Variants in EBF3 observed in about 807,000 individuals in gnomAD.
EBF3 encodes EBF transcription factor 3, also known as transcription factor COE3.
EBF3 carries 18 observed loss-of-function variants against 77.1 expected under a neutral mutation model. That is an observed-to-expected ratio of 0.23 (90% confidence interval 0.16 to 0.35). The LOEUF (loss-of-function observed/expected upper bound fraction) is 0.35, where lower values mean the gene tolerates loss of function less well. Ranked by LOEUF, EBF3 falls within the 10% of genes least tolerant of loss-of-function variation. The probability of loss-of-function intolerance (pLI) is 1.00; values close to 1 mark genes in which losing one functional copy is unlikely to be tolerated. For missense variants in EBF3, 558 were observed against 860.0 expected, an observed-to-expected ratio of 0.65 and a Z score of 4.39; for synonymous variants, 350 against 343.5, an observed-to-expected ratio of 1.02 and a Z score of -0.21.
chr10:129,859,771 G>T (rs2134032708), intron 10 of EBF3, among the ~76,000 whole-genome samples: 1 of 152,350 alleles, frequency 6.6e-6, no homozygotes. Context: ...ATCGATTCCA[G>T]CCATGGGCTG....
At chr10:129,907,655 C>T (rs908903134) in intron 6 of EBF3, among the ~76,000 whole-genome samples, 1 of 151,912 alleles carries the variant, frequency 6.6e-6, no homozygotes, top group Non-Finnish European at 1.5e-5. Flanking sequence ...TAAATAACAG[C>T]GAAACATGTT....
intron 6 of EBF3, among the ~76,000 whole-genome samples, chr10:129,891,149 A>C (rs1406188240): frequency 1.3e-5 from 2 of 152,250 alleles, no homozygotes; most frequent in Non-Finnish European, 2.9e-5. Flanking sequence ...TAATACTAAT[A>C]TGCTTCATGA....
intron 6 of EBF3, 128 bp downstream of exon 6, chr10:129,957,130 A>C (rs924607115): frequency 1.2e-5 from 9 of 759,894 alleles, no homozygotes; most frequent in Non-Finnish European, 1.9e-5. Flanking sequence ...CGCGGACAAC[A>C]AATGGTGCAA....
chr10:129,899,155 CTTT>C (rs925161828), intron 6 of EBF3, among the ~76,000 whole-genome samples: 4 of 152,232 alleles, frequency 2.6e-5, no homozygotes, highest in African/African-American at 9.6e-5. Flanking sequence ...CTCGTTTAAT[CTTT>C]TATTAAGAGC....
chr10:129,840,702 C>T (rs887008567), intron 14 of EBF3, 142 bp downstream of exon 14: 11 of 1,260,244 alleles, frequency 8.7e-6, no homozygotes, highest in African/African-American at 4.5e-5. Context: ...AATTTACGGT[C>T]GCCATTTGGA....
intron 16 of EBF3, among the ~76,000 whole-genome samples, chr10:129,838,387 C>T (rs1198131858): frequency 2.6e-5 from 4 of 152,232 alleles, no homozygotes; most frequent in Non-Finnish European, 5.9e-5. Flanking sequence ...GGCTCACAGG[C>T]CCTGCTCTCG....
At chr10:129,857,949 G>A (rs1361163036) in intron 10 of EBF3, among the ~76,000 whole-genome samples, 1 of 152,200 alleles carries the variant, frequency 6.6e-6, no homozygotes. Flanking sequence ...CTCACACTAC[G>A]CTTGTCCTAC....
chr10:129,884,987 A>G (rs1460773837), intron 6 of EBF3, among the ~76,000 whole-genome samples: 2 of 152,150 alleles, frequency 1.3e-5, no homozygotes, highest in Admixed American at 6.5e-5. Flanking sequence ...TTATCTCCTG[A>G]CAAATACCTC....
Position 129,963,850 on chromosome 10 carries a change from T to C in EBF3, c.-82A>G. 1 of 1,406,238 alleles carries C rather than the reference T, an allele frequency of 7.1e-7. No homozygotes were observed. The highest frequency in any genetic ancestry group is 1.3e-5 in the South Asian group (1 of 79,484). The allele number at this position is 1,406,238 out of a possible 1,614,324, so 87.1% of individuals were successfully genotyped here. On this transcript the variant is annotated 5_prime_UTR_variant, in exon 1 of 17. Coordinates refer to ENST00000440978, the MANE Select transcript of EBF3 (RefSeq NM_001375380.1). This position sits in a 1 kb window ranked among gnomAD's most constrained non-coding sequence, Gnocchi z 7.1. ...CGCTCGGGGCTTGGCGGCAGGCGGC[T>C]GCCCTGGCCGCCCTCGCCCTGCTCG...
At chr10:129,847,053 G>A (rs981382355) in intron 11 of EBF3, among the ~76,000 whole-genome samples, 2 of 152,142 alleles carry the variant, frequency 1.3e-5, no homozygotes, top group Admixed American at 6.5e-5. Flanking sequence ...GGCCCTGGCA[G>A]GCACGCGGTC....
At position 129,842,914 on chromosome 10, in the gene EBF3, G is replaced by A. The variant is rs529876715; in HGVS notation, c.1194+223C>T. On this transcript the variant is annotated intron_variant, in intron 12 of 16. Transcript: ENST00000440978. The surrounding 1 kb of genome is among the most constrained non-coding windows in gnomAD (Gnocchi z 4.4). Reference sequence around the variant, plus strand: ...ATGGGTTTCAAGGCTGTGCACTCCCGCTGTGACAAGTTTTTTCTGCTTTTG... The same window carrying A: ...ATGGGTTTCAAGGCTGTGCACTCCCACTGTGACAAGTTTTTTCTGCTTTTG... 9.4e-4 allele frequency among the ~76,000 whole-genome samples: 98 copies of A among 104,450 alleles called. 1 individual carries two copies. The highest frequency in any genetic ancestry group is 6.1e-3 in the South Asian group (18 of 2,968). The allele number at this position is 104,450 out of a possible 152,430, so 68.5% of individuals were successfully genotyped here. A position where few individuals can be genotyped will look rare whatever the true frequency, so the allele number is the denominator to read the frequency against.
rs566981153 is a variant in EBF3, at chr10:129,842,967, C to A, written c.1194+170G>T. 6.6e-6 allele frequency among the ~76,000 whole-genome samples: 1 copy of A among 152,180 alleles called. No individual in the cohort carries two copies. The highest frequency in any genetic ancestry group is 2.1e-4 in the South Asian group (1 of 4,820). On this transcript the variant is annotated intron_variant, in intron 12 of 16. Transcript: ENST00000440978. The surrounding 1 kb of genome is among the most constrained non-coding windows in gnomAD (Gnocchi z 4.4). Reference sequence around the variant, plus strand: ...TCCTGACACCAACTCATCATTTCTACGTGAACCTAGCGTGAGGGCAAGGAT... The same window carrying A: ...TCCTGACACCAACTCATCATTTCTAAGTGAACCTAGCGTGAGGGCAAGGAT...
At position 129,848,213 on chromosome 10, in the gene EBF3, A is replaced by C. The variant is rs545243584; in HGVS notation, c.1128+179T>G. 6.6e-6 allele frequency among the ~76,000 whole-genome samples: 1 copy of C among 152,216 alleles called. No individual in the cohort carries two copies. Among genetic ancestry groups the C allele is most frequent in the East Asian group, 1.9e-4 (1 of 5,156 alleles). The stretch of plus-strand genomic sequence containing the variant: ...CTACGCCTTCTCTCACCCTTCGCCC[A>C]CCTCTGAAGCTGGTCAGGTGCGGGC... On this transcript the variant is annotated intron_variant, in intron 11 of 16. Coordinates refer to ENST00000440978, the MANE Select transcript of EBF3 (RefSeq NM_001375380.1). The surrounding 1 kb of genome is among the most constrained non-coding windows in gnomAD (Gnocchi z 4.4).
intron 6 of EBF3, among the ~76,000 whole-genome samples, chr10:129,880,356 CACAT>C (rs1283650710): frequency 2.7e-4 from 41 of 150,158 alleles, no homozygotes; most frequent in Non-Finnish European, 5.3e-4. Context: ...CCCACAGACA[CACAT>C]GCCCACATGC....
chr10:129,934,159 G>GT (rs956503358), intron 6 of EBF3, among the ~76,000 whole-genome samples: 19 of 152,084 alleles, frequency 1.2e-4, no homozygotes, highest in African/African-American at 4.1e-4. Flanking sequence ...TCAGGGCCTA[G>GT]TATTAATATC....
rs1325142787 is a variant in EBF3, at chr10:129,840,872, A to G, written c.1533T>C (p.Asn511=). The G allele has an allele frequency of 1.2e-6, 2 of 1,613,806 alleles. No homozygotes were observed. The highest frequency in any genetic ancestry group is 1.7e-6 in the Non-Finnish European group (2 of 1,179,904). Residue 511 remains asparagine (N), a synonymous_variant, in exon 14 of 17, where the codon AAT becomes AAC. Transcript: ENST00000440978. ...CGTAGGGAGAGTTAGCGGAGGAGCC[A>G]TTAAGAAATCCAGGCGAGCCAGGGA... The part of the protein sequence containing the change: ...LGVPGSPGFL[N]GSSANSPYGI...
Position 129,843,149 on chromosome 10 carries a change from A to G in EBF3, c.1182T>C (p.Pro394=). The change falls in exon 12 of 17, where the codon CCT becomes CCC. Residue 394 remains proline, a synonymous_variant. Transcript: ENST00000440978. The stretch of plus-strand genomic sequence containing the variant: ...GCCCTCCACCTACCTGGTTGTTGTG[A>G]GGCATTCCGTATAAGGCTTCCACCA... The part of the protein sequence containing the change: ...ADLVEALYGM[P]HNNQEIILKR... The G allele has an allele frequency of 6.2e-7, 1 of 1,613,382 alleles. No individual in the cohort carries two copies. Among genetic ancestry groups the G allele is most frequent in the Non-Finnish European group, 8.5e-7 (1 of 1,179,624 alleles).
chr10:129,880,426 T>TGCAGACACACACGC (rs1853120278), intron 6 of EBF3, among the ~76,000 whole-genome samples: 1 of 151,900 alleles, frequency 6.6e-6, no homozygotes, highest in Non-Finnish European at 1.5e-5. Context: ...CATGCACACA[T>TGCAGACACACACGC]GCAGACACAC....
chr10:129,925,879 C>T (rs1349018204), intron 6 of EBF3, among the ~76,000 whole-genome samples: 1 of 152,166 alleles, frequency 6.6e-6, no homozygotes, highest in Admixed American at 6.5e-5. Flanking sequence ...AAAAGCCCAC[C>T]ATGAAGAATC....
Sources: allele counts gnomAD v4.1 joint callset (sites outside exome capture counted in the v4.1 genomes callset), GRCh38; gene constraint gnomAD v4.1.1; non-coding constraint Gnocchi (gnomAD v3.1); transcripts MANE v1.5; gene names NCBI Gene and HGNC (gene_info 2026-07-23, HGNC 2026-07-21).